ZNF618: variants seen among roughly 807,000 people sequenced by gnomAD.
ZNF618 encodes zinc finger protein 618, also known as neural precursor cell expressed, developmentally down-regulated 10.
In ZNF618, 34 loss-of-function variants were observed where a neutral mutation model predicts 103.0. That is an observed-to-expected ratio of 0.33 (90% CI 0.25 to 0.44). The LOEUF (loss-of-function observed/expected upper bound fraction) is 0.44. Ranked by LOEUF, ZNF618 falls within the 20% of genes least tolerant of loss-of-function variation. The probability of loss-of-function intolerance (pLI) is 1.00; values close to 1 mark genes in which losing one functional copy is unlikely to be tolerated. For missense variants in ZNF618, 1,059 were observed against 1,295.4 expected (o/e 0.82, Z 2.80); for synonymous variants, 551 against 542.2 (o/e 1.02, Z -0.23).
At chr9:113,916,789 A>T (rs1177451601) in intron 1 of ZNF618, among the ~76,000 whole-genome samples, 1 of 152,240 alleles carries the variant, frequency 6.6e-6, no homozygotes, top group Admixed American at 6.5e-5. Context: ...TCTGGTGCTC[A>T]ATCAGAAAAA....
chr9:114,001,683 A>G (rs187215371), intron 4 of ZNF618, among the ~76,000 whole-genome samples: 7 of 152,304 alleles, frequency 4.6e-5, no homozygotes, highest in South Asian at 4.1e-4. Flanking sequence ...CACTTTTAAC[A>G]TTCATTTCCT....
At chr9:114,037,752 T>C (rs1013180034) in intron 13 of ZNF618, among the ~76,000 whole-genome samples, 3 of 152,254 alleles carry the variant, frequency 2.0e-5, no homozygotes, top group African/African-American at 7.2e-5. Flanking sequence ...TATCATTCAT[T>C]CATCCATCCA....
At chr9:114,023,471 C>T (rs1843240882) in intron 10 of ZNF618, among the ~76,000 whole-genome samples, 1 of 152,126 alleles carries the variant, frequency 6.6e-6, no homozygotes, top group Admixed American at 6.5e-5. Flanking sequence ...ATAAACCCAA[C>T]AATTACTCTT....
intron 1 of ZNF618, among the ~76,000 whole-genome samples, chr9:113,941,254 C>T: frequency 6.6e-6 from 1 of 152,282 alleles, no homozygotes; most frequent in East Asian, 1.9e-4. Flanking sequence ...TCCTCATTCT[C>T]CTTCCATAGT....
intron 1 of ZNF618, among the ~76,000 whole-genome samples, chr9:113,943,389 T>A (rs1286716169): frequency 6.6e-6 from 1 of 152,084 alleles, no homozygotes; most frequent in African/African-American, 2.4e-5. Flanking sequence ...AGTGACTGCG[T>A]GTACAGAAGC....
chr9:114,031,541 A>G (rs1472165910), intron 11 of ZNF618, among the ~76,000 whole-genome samples: 1 of 152,182 alleles, frequency 6.6e-6, no homozygotes, highest in Non-Finnish European at 1.5e-5. Context: ...GCTCTTCCGG[A>G]GCAGGGTGGA....
At chr9:113,923,402 C>T (rs867757993) in intron 1 of ZNF618, among the ~76,000 whole-genome samples, 5 of 152,068 alleles carry the variant, frequency 3.3e-5, no homozygotes, top group African/African-American at 9.7e-5. Flanking sequence ...AGTTTCTCTC[C>T]GTTAAATATG....
intron 2 of ZNF618, among the ~76,000 whole-genome samples, chr9:113,986,846 A>G (rs531957158): frequency 6.6e-6 from 1 of 152,308 alleles, no homozygotes; most frequent in East Asian, 1.9e-4. Flanking sequence ...TGAAAGCTGA[A>G]GCTGGGAAGG....
In ZNF618 at chr9:113,917,877, C is replaced by G. The variant is rs548658187; in HGVS notation, c.33+41464C>G. 2.0e-5 allele frequency among the ~76,000 whole-genome samples: 3 copies of G among 152,146 alleles called. No individual in the cohort carries two copies. In the South Asian group the frequency reaches 6.2e-4, roughly 32 times the overall value. The stretch of plus-strand genomic sequence containing the variant: ...ACTTCTATGCCCATAGTATAATGCT[C>G]AGATTATACTATGAAATTAATATTT... On this transcript the variant is annotated intron_variant, in intron 1 of 14. Transcript: ENST00000374126.
At chr9:114,027,352 C>G (rs7039576) in intron 10 of ZNF618, among the ~76,000 whole-genome samples, 265 of 152,226 alleles carry the variant, frequency 1.7e-3, no homozygotes, top group African/African-American at 5.9e-3. Context: ...GGGGCTGGGG[C>G]GGACAGATGA....
intron 9 of ZNF618, among the ~76,000 whole-genome samples, chr9:114,009,496 G>A (rs994697220): frequency 1.3e-5 from 2 of 152,134 alleles, no homozygotes; most frequent in Non-Finnish European, 2.9e-5. Context: ...GATAGATTGG[G>A]AGGGGCTGGG....
chr9:114,026,741 G>C (rs779096992), intron 10 of ZNF618, among the ~76,000 whole-genome samples: 4 of 152,206 alleles, frequency 2.6e-5, no homozygotes, highest in Non-Finnish European at 4.4e-5. Context: ...AAAAATACCA[G>C]TAATAGATAC....
At chr9:113,964,737 C>G (rs908267504) in intron 1 of ZNF618, among the ~76,000 whole-genome samples, 1 of 150,124 alleles carries the variant, frequency 6.7e-6, no homozygotes, top group African/African-American at 2.4e-5. Flanking sequence ...GCAAATTCTA[C>G]CCCTCCTTTC....
chr9:113,961,888 T>C (rs1166354895), intron 1 of ZNF618, among the ~76,000 whole-genome samples: 1 of 152,194 alleles, frequency 6.6e-6, no homozygotes, highest in Non-Finnish European at 1.5e-5. Flanking sequence ...AGTTCATCCA[T>C]ATGGTTTGGG....
chr9:113,929,779 T>G (rs10817535), intron 1 of ZNF618, among the ~76,000 whole-genome samples: 91,112 of 152,024 alleles, frequency 0.6, 27,521 homozygotes, highest in Admixed American at 0.67. Context: ...TTTAGTTCAC[T>G]TGTTACCCGA....
At position 114,050,360 on chromosome 9, in the gene ZNF618, G is replaced by T. The variant is rs571232391; in HGVS notation, c.*193G>T. 1.3e-5 allele frequency: 8 copies of T among 633,172 alleles called. No homozygotes were observed. Among genetic ancestry groups the T allele is most frequent in the Non-Finnish European group, 1.5e-5 (6 of 390,026 alleles). 39.2% of individuals were successfully genotyped at this position (633,172 alleles called of 1,614,324 possible). A position where few individuals can be genotyped will look rare whatever the true frequency, so the allele number is the denominator to read the frequency against. The stretch of plus-strand genomic sequence containing the variant: ...TGTACACAGCCACACGTGTGTGCAC[G>T]TGTCTGAACACGTGCTGTGGTTGTG... On this transcript the variant is annotated 3_prime_UTR_variant, in exon 15 of 15. Transcript: ENST00000374126.
In ZNF618 at chr9:114,032,262, G is replaced by T. The variant is rs1032506969; in HGVS notation, c.1085-383G>T. 6.6e-5 allele frequency among the ~76,000 whole-genome samples: 10 copies of T among 152,208 alleles called. No individual in the cohort carries two copies. In the East Asian group the frequency reaches 1.9e-3, roughly 29 times the overall value. ...ATGCACTTCGGTGGGGCCCGTGGCAGCAGAATCTGACAGGGAGTGGTGGGC... is the reference window on the plus strand; with the variant it reads ...ATGCACTTCGGTGGGGCCCGTGGCATCAGAATCTGACAGGGAGTGGTGGGC... On this transcript the variant is annotated intron_variant, in intron 11 of 14. Transcript: ENST00000374126.
intron 1 of ZNF618, among the ~76,000 whole-genome samples, chr9:113,936,825 A>AT (rs1342496423): frequency 2.0e-5 from 3 of 151,188 alleles, no homozygotes; most frequent in Admixed American, 2.0e-4. Flanking sequence ...TTTTTTTAGC[A>AT]TTTTTTCTTG....
At chr9:114,015,387 C>G (rs1364128158) in intron 9 of ZNF618, among the ~76,000 whole-genome samples, 1 of 152,118 alleles carries the variant, frequency 6.6e-6, no homozygotes, top group African/African-American at 2.4e-5. Context: ...GAAAAATAAT[C>G]AATTTCCTTA....
Sources: allele counts gnomAD v4.1 joint callset (sites outside exome capture counted in the v4.1 genomes callset), GRCh38; gene constraint gnomAD v4.1.1; transcripts MANE v1.5; gene names NCBI Gene and HGNC (gene_info 2026-07-23, HGNC 2026-07-21).